Variants in NPEPL1 observed in about 807,000 individuals in gnomAD.
The protein encoded by NPEPL1 is probable aminopeptidase NPEPL1.
In NPEPL1, 45 loss-of-function variants were observed where a neutral mutation model predicts 52.4. The ratio of observed to expected loss-of-function variants is 0.86; its 90% confidence interval spans 0.68 to 1.10. The LOEUF is 1.10. Among genes scored for constraint, NPEPL1 ranks in the 50% least tolerant of loss-of-function variants. The pLI is 0.00. For synonymous variants in NPEPL1, 360 were observed against 314.7 expected, an observed-to-expected ratio of 1.14 and a Z score of -1.52; for missense variants, 696 against 710.9, an observed-to-expected ratio of 0.98 and a Z score of 0.24.
chr20:58,695,007 T>TGAGTGGC (rs1186635602), intron 3 of NPEPL1, among the ~76,000 whole-genome samples: 1 of 121,996 alleles, frequency 8.2e-6, no homozygotes. Flanking sequence ...TGTGTGTGCA[T>TGAGTGGC]GTGTGATGTG....
At chr20:58,696,969 G>C (rs2084506097) in intron 3 of NPEPL1, among the ~76,000 whole-genome samples, 1 of 152,212 alleles carries the variant, frequency 6.6e-6, no homozygotes, top group Non-Finnish European at 1.5e-5. Context: ...CACCCACGTG[G>C]CCTGTACTCA....
At chr20:58,707,056 G>T (rs1455266397) in intron 6 of NPEPL1, 67 bp from the exon 7 acceptor site, 17 of 1,484,720 alleles carry the variant, frequency 1.1e-5, no homozygotes, top group African/African-American at 1.4e-5. Context: ...TGGGGGTGGG[G>T]GGCTTCCGCT....
intron 3 of NPEPL1, among the ~76,000 whole-genome samples, chr20:58,697,197 G>T (rs2084511385): frequency 6.6e-6 from 1 of 152,240 alleles, no homozygotes; most frequent in Admixed American, 6.5e-5. Context: ...CTCATGGTAA[G>T]GGACACCCTT....
At chr20:58,707,319 G>A (rs977984788) in intron 7 of NPEPL1, 119 bp downstream of exon 7, 47 of 944,222 alleles carry the variant, frequency 5.0e-5, no homozygotes, top group African/African-American at 1.5e-4. Context: ...TCTCCCCAGC[G>A]GATGCTTGTC....
upstream of NPEPL1, chr20:58,691,717 T>TTTTTTTTTTG: frequency 1.3e-6 from 1 of 747,886 alleles, no homozygotes; most frequent in Non-Finnish European, 2.2e-6. Flanking sequence ...TTTTTTTTCA[T>TTTTTTTTTTG]TTTTAGGCTG....
Position 58,715,633 on chromosome 20 carries a change from T to G in NPEPL1, c.*307T>G. 3.9e-6 allele frequency: 1 copy of G among 254,560 alleles called. No homozygotes were observed. Among genetic ancestry groups the G allele is most frequent in the Non-Finnish European group, 7.5e-6 (1 of 133,672 alleles). The allele number at this position is 254,560 out of a possible 1,614,324, so 15.8% of individuals were successfully genotyped here. On this transcript the variant is annotated 3_prime_UTR_variant, in exon 12 of 12. Coordinates refer to ENST00000356091, the MANE Select transcript of NPEPL1 (RefSeq NM_024663.4). ...GGCCTCCTGCCTGCCTGGTGCCCTG[T>G]CCCAGCCCCAGGTCCTGTGCAGGGC...
intron 6 of NPEPL1, among the ~76,000 whole-genome samples, chr20:58,706,446 C>G (rs929527530): frequency 6.6e-6 from 1 of 152,162 alleles, no homozygotes; most frequent in Admixed American, 6.5e-5. Flanking sequence ...TGGTAAAGCC[C>G]TCTAAGTGCC....
intron 7 of NPEPL1, among the ~76,000 whole-genome samples, chr20:58,708,961 G>A (rs1054823992): frequency 6.6e-6 from 1 of 152,168 alleles, no homozygotes; most frequent in African/African-American, 2.4e-5. Context: ...CAGAGGGTCT[G>A]TCCTGCCTCT....
chr20:58,714,430 G>C, intron 10 of NPEPL1, 130 bp from the exon 11 acceptor site: 1 of 664,552 alleles, frequency 1.5e-6, no homozygotes, highest in Non-Finnish European at 2.5e-6. Flanking sequence ...AGCTTCTGCT[G>C]CCTCCCCACA....
At chr20:58,692,154 G>C (rs1218976691), upstream of NPEPL1, 1 of 385,828 alleles carries the variant, frequency 2.6e-6, no homozygotes, top group Non-Finnish European at 4.7e-6. The surrounding 1 kb of genome is among the most constrained non-coding windows in gnomAD (Gnocchi z 5.7). Context: ...GCAGTGCCTG[G>C]ATTTGTAACT....
rs59087368 is a variant in NPEPL1 at position 58,710,032 on chromosome 20, C to CTTTTT, written c.901-2431_901-2427dup. On this transcript the variant is annotated intron_variant, in intron 7 of 11. Coordinates refer to ENST00000356091, the MANE Select transcript of NPEPL1 (RefSeq NM_024663.4). ...AAGGGTGTTGAGGAATTGTTTGTGG[C>CTTTTT]TTTTTTTTTTTTTTTTTTTTCCCCG... 7.2e-4 allele frequency among the ~76,000 whole-genome samples: 79 copies of CTTTTT among 109,422 alleles called. 3 individuals are homozygous for CTTTTT. Among genetic ancestry groups the CTTTTT allele is most frequent in the African/African-American group, 2.1e-3 (49 of 23,326 alleles). 71.8% of individuals were successfully genotyped at this position (109,422 alleles called of 152,430 possible).
chr20:58,713,770 C>T lies in NPEPL1; in HGVS notation c.1126-147C>T, dbSNP rs2084902521. 1.0e-5 allele frequency: 11 copies of T among 1,088,990 alleles called. No individual in the cohort carries two copies. The Admixed American group carries it at 1.3e-4, about 13-fold the overall frequency. The allele number at this position is 1,088,990 out of a possible 1,614,324, so 67.5% of individuals were successfully genotyped here. On this transcript the variant is annotated intron_variant, in intron 9 of 11. Coordinates refer to ENST00000356091, the MANE Select transcript of NPEPL1 (RefSeq NM_024663.4). This position sits in a 1 kb window ranked among gnomAD's most constrained non-coding sequence, Gnocchi z 4.6. Reference sequence around the variant, plus strand: ...CTCCTGTGTGCTTCATGGCCATGGTCCTTTCTGCCTGTGTTTTTTCTTTTT... The same window carrying T: ...CTCCTGTGTGCTTCATGGCCATGGTTCTTTCTGCCTGTGTTTTTTCTTTTT...
At chr20:58,694,716 CTTTGGT>C in intron 3 of NPEPL1, 124 bp downstream of exon 3, 7 of 1,068,434 alleles carry the variant, frequency 6.6e-6, no homozygotes, top group Non-Finnish European at 7.8e-6. Context: ...TTCCCAGGAG[CTTTGGT>C]TCCTGGGAAG....
intron 7 of NPEPL1, among the ~76,000 whole-genome samples, chr20:58,708,326 A>G (rs978033333): frequency 3.3e-5 from 5 of 152,134 alleles, no homozygotes; most frequent in African/African-American, 1.2e-4. Context: ...CACATTCCAG[A>G]CTGTGTGACG....
At chr20:58,706,475 C>T (rs2084734132) in intron 6 of NPEPL1, among the ~76,000 whole-genome samples, 1 of 152,160 alleles carries the variant, frequency 6.6e-6, no homozygotes, top group Non-Finnish European at 1.5e-5. Flanking sequence ...GAAGCTAGGC[C>T]CTGTTCTGGG....
At position 58,694,577 on chromosome 20, in the gene NPEPL1, G is replaced by T. The variant is rs766637202; in HGVS notation, c.492G>T (p.Glu164Asp). Reference sequence around the variant, plus strand: ...TGGGACAAGACAACGGGCCGGTGGAGGTGTCCACATTGCAGGTGGGTGTCT... The same window carrying T: ...TGGGACAAGACAACGGGCCGGTGGATGTGTCCACATTGCAGGTGGGTGTCT... ...FLVGQDNGPV[E>D]VSTLQCLANA... The change falls in exon 3 of 12, where the codon GAG becomes GAT. Residue 164 changes from glutamate to aspartate, a missense_variant. Physicochemically the swap from Glu to Asp is conservative, Grantham distance 45. Coordinates refer to ENST00000356091, the MANE Select transcript of NPEPL1 (RefSeq NM_024663.4). 5.0e-6 allele frequency: 8 copies of T among 1,612,962 alleles called. No homozygotes were observed. The highest frequency in any genetic ancestry group is 6.8e-6 in the Non-Finnish European group (8 of 1,179,468).
At chr20:58,691,688 CTTTTCTT>C (rs2084347769), upstream of NPEPL1, 2 of 696,548 alleles carry the variant, frequency 2.9e-6, no homozygotes, top group South Asian at 2.1e-5. Flanking sequence ...TTCTTTTTTT[CTTTTCTT>C]TTTTTTTTTT....
intron 4 of NPEPL1, 28 bp from the exon 5 acceptor site, chr20:58,699,169 C>T (rs753352166): frequency 6.4e-7 from 1 of 1,553,890 alleles, no homozygotes; most frequent in South Asian, 1.2e-5. Context: ...TGTTGTTGTG[C>T]TGTTGTTTTT....
At chr20:58,707,231 G>C (rs771431314) in intron 7 of NPEPL1, 31 bp downstream of exon 7, 4 of 1,530,874 alleles carry the variant, frequency 2.6e-6, no homozygotes, top group Non-Finnish European at 3.5e-6. Flanking sequence ...CTCTGCAGGG[G>C]CATCCTGGGT....
Sources: gnomAD v4.1 joint callset for allele counts (sites outside exome capture counted in the v4.1 genomes callset) on GRCh38, gnomAD v4.1.1 for gene constraint, Gnocchi (gnomAD v3.1) non-coding constraint, MANE v1.5 for transcripts, NCBI Gene and HGNC (gene_info 2026-07-23, HGNC 2026-07-21) for gene names.